Variants in AGBL1 observed in about 807,000 individuals in gnomAD.
AGBL1 encodes the protein cytosolic carboxypeptidase 4.
In AGBL1, 130 loss-of-function variants were observed where a neutral mutation model predicts 118.9. That is an observed-to-expected ratio of 1.09 (90% CI 0.95 to 1.26). The LOEUF is 1.26. Among genes scored for constraint, AGBL1 ranks in the 50% most tolerant of loss-of-function variants. The pLI is 0.00. For missense variants in AGBL1, 1,584 were observed against 1,298.1 expected, an observed-to-expected ratio of 1.22 and a Z score of -3.38; for synonymous variants, 555 against 478.9, an observed-to-expected ratio of 1.16 and a Z score of -2.08.
At chr15:86,698,518 T>C (rs2086301184) in intron 22 of AGBL1, among the ~76,000 whole-genome samples, 1 of 151,980 alleles carries the variant, frequency 6.6e-6, no homozygotes, top group Non-Finnish European at 1.5e-5. Flanking sequence ...AATGATGTTC[T>C]TTAGGGGAGA....
chr15:86,089,927 A>G (rs543143941), intron 1 of AGBL1, among the ~76,000 whole-genome samples: 1 of 152,358 alleles, frequency 6.6e-6, no homozygotes, highest in East Asian at 1.9e-4. Context: ...AAATTTTTGC[A>G]CTGCAGAAGA....
At chr15:86,211,910 G>A (rs184501718) in intron 5 of AGBL1, among the ~76,000 whole-genome samples, 21 of 152,248 alleles carry the variant, frequency 1.4e-4, no homozygotes, top group East Asian at 9.7e-4. Context: ...AGAAATCACC[G>A]TCTTCTGTGT....
intron 22 of AGBL1, among the ~76,000 whole-genome samples, chr15:86,815,889 T>C (rs1567187283): frequency 6.6e-6 from 1 of 152,132 alleles, no homozygotes; most frequent in East Asian, 1.9e-4. Flanking sequence ...AAAGGAGATT[T>C]TCATAAAGGA....
chr15:86,205,225 C>T (rs913281769), intron 5 of AGBL1, among the ~76,000 whole-genome samples: 2 of 152,184 alleles, frequency 1.3e-5, no homozygotes, highest in African/African-American at 2.4e-5. Context: ...TTCAGATTGG[C>T]TGCATTCACT....
intron 21 of AGBL1, among the ~76,000 whole-genome samples, chr15:86,654,690 A>G (rs551514370): frequency 1.3e-5 from 2 of 152,168 alleles, no homozygotes; most frequent in African/African-American, 2.4e-5. Flanking sequence ...ACCTTCTCCT[A>G]TAGGTGTCAC....
chr15:86,532,028 C>T (rs2083356866), intron 19 of AGBL1, among the ~76,000 whole-genome samples: 1 of 151,690 alleles, frequency 6.6e-6, no homozygotes, highest in African/African-American at 2.4e-5. Flanking sequence ...AAACTGGAAG[C>T]ATTCCCTTTG....
At chr15:86,605,772 T>G (rs184578498) in intron 21 of AGBL1, among the ~76,000 whole-genome samples, 230 of 152,088 alleles carry the variant, frequency 1.5e-3, no homozygotes, top group Non-Finnish European at 2.0e-3. Flanking sequence ...TGTGTGTATG[T>G]GTGTGTGCAT....
chr15:86,978,726 A>G (rs889226376), intron 23 of AGBL1, among the ~76,000 whole-genome samples: 2 of 152,158 alleles, frequency 1.3e-5, no homozygotes, highest in African/African-American at 2.4e-5. Flanking sequence ...GAACTTAGAG[A>G]TAAGCTCTAA....
chr15:86,268,036 C>T (rs1748311591), intron 13 of AGBL1, among the ~76,000 whole-genome samples: 1 of 152,208 alleles, frequency 6.6e-6, no homozygotes. Context: ...CTAAGTAATA[C>T]ACTTAAGTCT....
At chr15:86,522,092 C>G (rs1416679135) in intron 18 of AGBL1, among the ~76,000 whole-genome samples, 4 of 152,114 alleles carry the variant, frequency 2.6e-5, no homozygotes, top group Admixed American at 2.6e-4. Context: ...TCACTACCAG[C>G]TAGGTCACTT....
intron 24 of AGBL1, among the ~76,000 whole-genome samples, chr15:87,024,488 A>G (rs2081704486): frequency 1.3e-5 from 2 of 151,996 alleles, no homozygotes; most frequent in African/African-American, 4.8e-5. Context: ...GGTAACGTAA[A>G]AATTACCAAT....
intron 18 of AGBL1, among the ~76,000 whole-genome samples, chr15:86,493,027 C>G (rs894572803): frequency 7.9e-5 from 12 of 152,108 alleles, no homozygotes; most frequent in African/African-American, 2.4e-4. Flanking sequence ...AACCTCACCT[C>G]TACTAAAAAT....
At chr15:86,961,131 T>C (rs951483202) in intron 23 of AGBL1, among the ~76,000 whole-genome samples, 3 of 152,086 alleles carry the variant, frequency 2.0e-5, no homozygotes, top group African/African-American at 4.8e-5. Flanking sequence ...TGTGACATAA[T>C]AGACATGTTA....
chr15:86,747,301 C>G (rs1024310919), intron 22 of AGBL1, among the ~76,000 whole-genome samples: 1 of 152,016 alleles, frequency 6.6e-6, no homozygotes, highest in Non-Finnish European at 1.5e-5. Flanking sequence ...TCTCCATTGT[C>G]TAGATGGTTG....
At chr15:86,276,409 A>G (rs2079252010) in intron 15 of AGBL1, among the ~76,000 whole-genome samples, 2 of 152,198 alleles carry the variant, frequency 1.3e-5, no homozygotes, top group South Asian at 4.1e-4. Flanking sequence ...CTTAATTCCC[A>G]TGTGTAGAAT....
intron 24 of AGBL1, among the ~76,000 whole-genome samples, chr15:87,021,667 C>A (rs1594754): frequency 4.6e-5 from 7 of 151,904 alleles, no homozygotes; most frequent in South Asian, 2.1e-4. Context: ...CATACAACCC[C>A]ATTAAAACGT....
intron 18 of AGBL1, among the ~76,000 whole-genome samples, chr15:86,468,035 A>G (rs2082428926): frequency 6.6e-6 from 1 of 151,170 alleles, no homozygotes; most frequent in Non-Finnish European, 1.5e-5. Flanking sequence ...TAGACTGTAA[A>G]CTCCTTGGGG....
chr15:86,166,297 A>G (rs755351486), intron 5 of AGBL1, among the ~76,000 whole-genome samples: 1 of 152,222 alleles, frequency 6.6e-6, no homozygotes, highest in Non-Finnish European at 1.5e-5. Flanking sequence ...CCGACAGCCT[A>G]TGCCAACAAG....
Position 86,394,592 on chromosome 15 carries a change from G to A in AGBL1, c.2375-2774G>A, listed in dbSNP as rs79326942. Among the ~76,000 whole-genome samples, 431 of 152,202 alleles carry A rather than the reference G, an allele frequency of 2.8e-3. 2 individuals carry two copies. The highest frequency in any genetic ancestry group is 9.6e-3 in the African/African-American group (399 of 41,566). On this transcript the variant is annotated intron_variant, in intron 17 of 22. Transcript: ENST00000614907. ...CTGTTCTCAAACATCCAGAAGTAACGAAGAAGCTGGTGAAAATGTGGTATA... is the reference window on the plus strand; with the variant it reads ...CTGTTCTCAAACATCCAGAAGTAACAAAGAAGCTGGTGAAAATGTGGTATA...
Sources: gnomAD v4.1 joint callset for allele counts (sites outside exome capture counted in the v4.1 genomes callset) on GRCh38, gnomAD v4.1.1 for gene constraint, MANE v1.5 for transcripts, NCBI Gene and HGNC (gene_info 2026-07-23, HGNC 2026-07-21) for gene names.